Variants in LONRF3 observed in about 807,000 individuals in gnomAD.
LONRF3 encodes the protein LON peptidase N-terminal domain and RING finger protein 3.
Under a neutral mutation model 51.7 loss-of-function variants are expected in LONRF3, and 19 were observed. That is an observed-to-expected ratio of 0.37 (90% confidence interval 0.26 to 0.54). The LOEUF is 0.54. Among genes scored for constraint, LONRF3 ranks in the 20% least tolerant of loss-of-function variants. The pLI is 0.86. For synonymous variants in LONRF3, 265 were observed against 257.8 expected (o/e 1.03, Z -0.27); for missense variants, 521 against 623.9 (o/e 0.84, Z 1.76).
At chrX:119,011,683 C>A in intron 7 of LONRF3, 132 bp from the exon 8 acceptor site, 1 of 577,821 alleles carries the variant, frequency 1.7e-6, no homozygotes, top group Non-Finnish European at 2.9e-6. Flanking sequence ...GTATCTTTGG[C>A]AAGTGACACT....
Position 118,974,685 on chromosome X carries a change from T to C in LONRF3, c.-96T>C. On this transcript the variant is annotated 5_prime_UTR_variant, in exon 1 of 11. An upstream start codon of the reference 5' UTR is lost. Coordinates refer to ENST00000371628, the MANE Select transcript of LONRF3 (RefSeq NM_001031855.3). ...CGGCAGGGTCAGGAGCTCGGTGGCATGGCGGCGGTGGCTGCCCCGATTTCC... is the reference window on the plus strand; with the variant it reads ...CGGCAGGGTCAGGAGCTCGGTGGCACGGCGGCGGTGGCTGCCCCGATTTCC... 1 of 783,262 alleles carries C rather than the reference T, an allele frequency of 1.3e-6. No homozygotes were observed. The highest frequency in any genetic ancestry group is 3.7e-5 in the East Asian group (1 of 27,307). The allele number at this position is 783,262 out of a possible 1,213,427, so 64.5% of individuals were successfully genotyped here. A position where few individuals can be genotyped will look rare whatever the true frequency, so the allele number is the denominator to read the frequency against.
chrX:119,000,478 C>G (rs34683146), intron 5 of LONRF3, among the ~76,000 whole-genome samples: 3,583 of 111,451 alleles, frequency 0.032, 121 homozygotes, highest in African/African-American at 0.11. Context: ...GAAGTTACCC[C>G]CTAACTTCAA....
intron 5 of LONRF3, among the ~76,000 whole-genome samples, chrX:118,993,825 T>C (rs1157312293): frequency 8.9e-6 from 1 of 111,951 alleles, no homozygotes; most frequent in African/African-American, 3.2e-5. Context: ...AAAGCATATT[T>C]CTCAGCAGAA....
At chrX:118,984,679 A>AT (rs1252926914) in intron 3 of LONRF3, among the ~76,000 whole-genome samples, 1 of 112,439 alleles carries the variant, frequency 8.9e-6, no homozygotes, top group East Asian at 2.8e-4. Flanking sequence ...ACAATCTTGC[A>AT]TTTGTTAACA....
At chrX:118,990,845 ATATGTCTTTTTTTTT>A (rs1161068063) in intron 5 of LONRF3, among the ~76,000 whole-genome samples, 2 of 111,057 alleles carry the variant, frequency 1.8e-5, no homozygotes, top group African/African-American at 3.3e-5. Context: ...ATATGTCTGA[ATATGTCTTTTTTTTT>A]TATGTCTTTT....
chrX:118,998,999 C>A (rs1476106267), intron 5 of LONRF3, among the ~76,000 whole-genome samples: 1 of 112,528 alleles, frequency 8.9e-6, no homozygotes, highest in Non-Finnish European at 1.9e-5. Flanking sequence ...TGGGATCCAG[C>A]GAGCAGAAAC....
At position 118,979,300 on chromosome X, in the gene LONRF3, C is replaced by CTTTTTTTTT. The variant is rs781007753; in HGVS notation, c.936+840_936+848dup. ...TTACAGGCGTGAGCCACCGCGCTGG[C>CTTTTTTTTT]TTTTTTTTTTTGAGACGGAGTCTCA... On this transcript the variant is annotated intron_variant, in intron 2 of 10. Transcript: ENST00000371628. Among the ~76,000 whole-genome samples, 88 of 97,348 alleles carry CTTTTTTTTT rather than the reference C, an allele frequency of 9.0e-4. 1 individual carries two copies. Among genetic ancestry groups the CTTTTTTTTT allele is most frequent in the African/African-American group, 3.1e-3 (80 of 26,152 alleles). 84.5% of individuals were successfully genotyped at this position (97,348 alleles called of 115,157 possible).
intron 10 of LONRF3, among the ~76,000 whole-genome samples, chrX:119,015,186 T>G (rs1002714841): frequency 1.8e-5 from 2 of 111,679 alleles, no homozygotes; most frequent in African/African-American, 6.5e-5. Flanking sequence ...CTTCCTATGC[T>G]CCAAGCTGGC....
At chrX:118,983,100 T>C (rs12391696) in intron 3 of LONRF3, among the ~76,000 whole-genome samples, 157 bp downstream of exon 3, 33,259 of 110,187 alleles carry the variant, frequency 0.3, 3,925 homozygotes, top group South Asian at 0.44. Flanking sequence ...GGAGTGTTAA[T>C]TGATTGCCCA....
chrX:118,992,914 G>A (rs928473928), intron 5 of LONRF3, among the ~76,000 whole-genome samples: 5 of 111,248 alleles, frequency 4.5e-5, no homozygotes, highest in Non-Finnish European at 7.5e-5. Flanking sequence ...ACCCAGAAGA[G>A]AGACAACAAT....
chrX:119,001,704 A>G (rs1049352262), intron 5 of LONRF3, among the ~76,000 whole-genome samples: 1 of 112,576 alleles, frequency 8.9e-6, no homozygotes, highest in Non-Finnish European at 1.9e-5. Flanking sequence ...TGTGTTTGCT[A>G]CCACTCAGTC....
In LONRF3 at chrX:118,974,728, G is replaced by T. The variant is rs930748883; in HGVS notation, c.-53G>T. 2 of 1,044,229 alleles carry T rather than the reference G, an allele frequency of 1.9e-6. No homozygotes were observed. Among genetic ancestry groups the T allele is most frequent in the African/African-American group, 1.9e-5 (1 of 52,889 alleles). 86.1% of individuals were successfully genotyped at this position (1,044,229 alleles called of 1,213,427 possible). A position where few individuals can be genotyped will look rare whatever the true frequency, so the allele number is the denominator to read the frequency against. On this transcript the variant is annotated 5_prime_UTR_variant, in exon 1 of 11. Coordinates refer to ENST00000371628, the MANE Select transcript of LONRF3 (RefSeq NM_001031855.3). ...CGATTTCCTCCAGCTGCCACTCCTTGCTTCGTGTCCCCGGTCCCTAGACGC... is the reference window on the plus strand; with the variant it reads ...CGATTTCCTCCAGCTGCCACTCCTTTCTTCGTGTCCCCGGTCCCTAGACGC...
At chrX:118,981,792 G>A (rs1922581117) in intron 2 of LONRF3, among the ~76,000 whole-genome samples, 1 of 112,147 alleles carries the variant, frequency 8.9e-6, no homozygotes, top group Non-Finnish European at 1.9e-5. Flanking sequence ...CGAGGCCATA[G>A]CCTGAGGGCT....
rs79556072 is a variant in LONRF3 at position 118,995,051 on chromosome X, T to C, written c.1415+4491T>C. Among the ~76,000 whole-genome samples the C allele has an allele frequency of 5.4e-4, 61 of 111,951 alleles. 1 individual carries two copies. The highest frequency in any genetic ancestry group is 1.9e-3 in the African/African-American group (58 of 30,726). ...GCAGAATACACATTCTATTCAACAGTGCATGAAACTTTCTCCAAGATAGAC... is the reference window on the plus strand; with the variant it reads ...GCAGAATACACATTCTATTCAACAGCGCATGAAACTTTCTCCAAGATAGAC... On this transcript the variant is annotated intron_variant, in intron 5 of 10. Transcript: ENST00000371628.
chrX:118,974,788 C>T lies in LONRF3; in HGVS notation c.8C>T (p.Ser3Leu). Residue 3 changes from serine to leucine, a missense_variant, in exon 1 of 11, where the codon TCA (serine) becomes TTA (leucine). This residue lies in a region of LONRF3 where 376 missense variants were observed against 376.7 expected (regional missense o/e 1.00). Transcript: ENST00000371628. Reference protein sequence around the residue: MESVRIEQMLSLP... With the variant: MELVRIEQMLSLP... ...TCCCGTGTCCCTCTTCCCATGGAGT[C>T]AGTACGGATCGAACAGATGCTGAGC... 1 of 1,205,181 alleles carries T rather than the reference C, an allele frequency of 8.3e-7. No individual in the cohort carries two copies. Among genetic ancestry groups the T allele is most frequent in the Non-Finnish European group, 1.1e-6 (1 of 892,600 alleles).
chrX:118,978,469 TGTGGGATGGAAGAG>T lies in LONRF3; in HGVS notation c.936+13_936+26del. 1 of 1,144,203 alleles carries T rather than the reference TGTGGGATGGAAGAG, an allele frequency of 8.7e-7. No homozygotes were observed. Among genetic ancestry groups the T allele is most frequent in the Non-Finnish European group, 1.2e-6 (1 of 837,190 alleles). The allele number at this position is 1,144,203 out of a possible 1,213,427, so 94.3% of individuals were successfully genotyped here. On this transcript the variant is annotated splice_region_variant and intron_variant, in intron 2 of 10. Transcript: ENST00000371628. ...TCCGCCCGATGGGTTTTAAGGTGAG[TGTGGGATGGAAGAG>T]GTGGGAAGGGGTTGTACTGTAGACA...
At chrX:119,012,925 A>G (rs765145528) in intron 8 of LONRF3, 114 bp from the exon 9 acceptor site, 1 of 1,202,641 alleles carries the variant, frequency 8.3e-7, no homozygotes, top group African/African-American at 1.7e-5. Flanking sequence ...GGACAGGAAA[A>G]TAGGCAGAAG....
At chrX:119,016,640 C>T (rs893225303) in intron 10 of LONRF3, among the ~76,000 whole-genome samples, 13 of 112,036 alleles carry the variant, frequency 1.2e-4, no homozygotes, top group African/African-American at 2.9e-4. Context: ...CCACTGTGCC[C>T]GGCCCTGGGG....
rs770240573 is a variant in LONRF3 at position 119,014,200 on chromosome X, C to T, written c.1975-7C>T. On this transcript the variant is annotated splice_region_variant and splice_polypyrimidine_tract_variant and intron_variant, in intron 9 of 10. Coordinates refer to ENST00000371628, the MANE Select transcript of LONRF3 (RefSeq NM_001031855.3). ...AGAATGTTTCACTTCCACTTTGATA[C>T]TTTCAGGTTCAGGGAGAGGATTGTG... 8.4e-7 allele frequency: 1 copy of T among 1,197,434 alleles called. No homozygotes were observed. Among genetic ancestry groups the T allele is most frequent in the African/African-American group, 1.8e-5 (1 of 56,557 alleles).
Sources: gnomAD v4.1 joint callset for allele counts (sites outside exome capture counted in the v4.1 genomes callset) on GRCh38, gnomAD v4.1.1 for gene constraint, gnomAD v4.1.1 regional missense constraint, MANE v1.5 for transcripts, NCBI Gene and HGNC (gene_info 2026-07-23, HGNC 2026-07-21) for gene names.